The following LILRB1 variants were observed in gnomAD, a reference collection of about 807,000 sequenced individuals.
LILRB1 encodes the protein leukocyte immunoglobulin like receptor B1.
LILRB1 carries 59 observed loss-of-function variants against 74.6 expected under a neutral mutation model. That is an observed-to-expected ratio of 0.79 (90% confidence interval 0.64 to 0.98). The LOEUF is 0.98. Ranked by LOEUF, LILRB1 falls within the 50% of genes least tolerant of loss-of-function variation. The pLI is 0.00. For synonymous variants in LILRB1, 328 were observed against 333.9 expected (o/e 0.98, Z 0.19); for missense variants, 804 against 822.6 (o/e 0.98, Z 0.28).
Position 54,631,577 on chromosome 19 carries a change from CA to C in LILRB1, c.149del (p.Gln50ArgfsTer29). On this transcript the variant is annotated frameshift_variant, in exon 4 of 15. Coordinates refer to ENST00000324602, the MANE Select transcript of LILRB1 (RefSeq NM_001081637.3). LOFTEE classifies it high-confidence loss of function. ...TQGSPVTLRC[Q>X]GGQETQEYRL... ...GGGGAGTCCTGTGACCCTCAGGTGT[CA>C]GGGGGGCCAGGAGACCCAGGAGTAC... 1 of 1,614,232 alleles carries C rather than the reference CA, an allele frequency of 6.2e-7. No homozygotes were observed. Among genetic ancestry groups the C allele is most frequent in the Non-Finnish European group, 8.5e-7 (1 of 1,180,026 alleles).
intron 1 of LILRB1, among the ~76,000 whole-genome samples, chr19:54,621,544 T>G (rs1024260958): frequency 1.3e-5 from 2 of 151,716 alleles, no homozygotes; most frequent in African/African-American, 4.8e-5. Flanking sequence ...TGTTTTTTTT[T>G]TTTCATGTTG....
upstream of LILRB1, among the ~76,000 whole-genome samples, chr19:54,628,325 C>T (rs766194123): frequency 3.9e-5 from 6 of 152,148 alleles, no homozygotes; most frequent in Non-Finnish European, 7.3e-5. Context: ...TTATTTATCA[C>T]GGCTAGCAGA....
chr19:54,627,641 C>T (rs925438672), upstream of LILRB1, among the ~76,000 whole-genome samples: 2 of 152,226 alleles, frequency 1.3e-5, no homozygotes, highest in Admixed American at 6.5e-5. Context: ...CTGACAGCAA[C>T]TCTGGCTTTG....
chr19:54,622,811 C>T (rs1245355299), intron 1 of LILRB1, among the ~76,000 whole-genome samples: 4 of 152,104 alleles, frequency 2.6e-5, no homozygotes, highest in Non-Finnish European at 5.9e-5. Flanking sequence ...GTGCGTTTGT[C>T]TTATAAGGCT....
At chr19:54,635,527 A>G (rs779392316) in intron 12 of LILRB1, 30 bp from the exon 13 acceptor site, 7 of 1,600,842 alleles carry the variant, frequency 4.4e-6, no homozygotes, top group African/African-American at 2.7e-5. Context: ...AACCTTCCCA[A>G]GAGACAAACC....
At position 54,618,198 on chromosome 19, in the gene LILRB1, T is replaced by C. The variant is rs1238447065; in HGVS notation, c.-166+849T>C. 2.0e-5 allele frequency among the ~76,000 whole-genome samples: 3 copies of C among 151,812 alleles called. No homozygotes were observed. In the East Asian group the frequency reaches 5.8e-4, roughly 29 times the overall value. ...GGTTTTTTGAATCTATAAGATGTAC[T>C]TCTATCAGCATGCCTAATGCGTCCA... On this transcript the variant is annotated intron_variant, in intron 1 of 15. Transcript: ENST00000396331.
chr19:54,632,606 C>G lies in LILRB1; in HGVS notation c.804C>G (p.Leu268=), dbSNP rs766298899. 6.2e-7 allele frequency: 1 copy of G among 1,614,136 alleles called. No individual in the cohort carries two copies. Among genetic ancestry groups the G allele is most frequent in the East Asian group, 2.2e-5 (1 of 44,876 alleles). The change falls in exon 6 of 15, where the codon CTC becomes CTG. Residue 268 remains leucine (L), a synonymous_variant. Coordinates refer to ENST00000324602, the MANE Select transcript of LILRB1 (RefSeq NM_001081637.3). ...YKDGERDFLQ[L]AGAQPQAGLS... ...ACGGGGAACGTGACTTCCTTCAGCT[C>G]GCTGGCGCACAGCCCCAGGCTGGGC...
chr19:54,625,542 A>T (rs575649734), upstream of LILRB1, among the ~76,000 whole-genome samples: 7 of 152,264 alleles, frequency 4.6e-5, no homozygotes, highest in African/African-American at 1.7e-4. Context: ...AAGGGCCAAG[A>T]CAGGGGTGTG....
At position 54,632,594 on chromosome 19, in the gene LILRB1, C is replaced by A. The variant is rs368723007; in HGVS notation, c.792C>A (p.Asp264Glu). The change falls in exon 6 of 15, where the codon GAC becomes GAA. Residue 264 changes from aspartate (D) to glutamate (E), a missense_variant. Physicochemically the swap from Asp to Glu is conservative, Grantham distance 45. Coordinates refer to ENST00000324602, the MANE Select transcript of LILRB1 (RefSeq NM_001081637.3). The part of the protein sequence containing the change: ...RFVLYKDGER[D>E]FLQLAGAQPQ... ...TTCTGTATAAGGACGGGGAACGTGA[C>A]TTCCTTCAGCTCGCTGGCGCACAGC... The A allele has an allele frequency of 1.9e-6, 3 of 1,614,060 alleles. No individual in the cohort carries two copies. The African/African-American group carries it at 4.0e-5, about 22-fold the overall frequency.
rs1395512305 is a variant in LILRB1 at position 54,638,015 on chromosome 19, C to T, written c.*1137C>T. Among the ~76,000 whole-genome samples the T allele has an allele frequency of 1.3e-5, 2 of 151,986 alleles. No homozygotes were observed. Among genetic ancestry groups the T allele is most frequent in the East Asian group, 1.9e-4 (1 of 5,202 alleles). ...ACATTGACTATAATAAAAATAATCTCGAGTTCACGAAGCTTCATTGGTGAT... is the reference window on the plus strand; with the variant it reads ...ACATTGACTATAATAAAAATAATCTTGAGTTCACGAAGCTTCATTGGTGAT... On this transcript the variant is annotated 3_prime_UTR_variant, in exon 15 of 15. Coordinates refer to ENST00000324602, the MANE Select transcript of LILRB1 (RefSeq NM_001081637.3).
chr19:54,637,114 A>G lies in LILRB1; in HGVS notation c.*236A>G. The G allele has an allele frequency of 1.8e-6, 1 of 545,042 alleles. No homozygotes were observed. The highest frequency in any genetic ancestry group is 2.9e-5 in the East Asian group (1 of 34,644). 33.8% of individuals were successfully genotyped at this position (545,042 alleles called of 1,614,324 possible). A position where few individuals can be genotyped will look rare whatever the true frequency, so the allele number is the denominator to read the frequency against. ...CTGAGAAAACTAAGTCAGAAAGTGC[A>G]TTAAACTGAATCACAATGTAAATAT... On this transcript the variant is annotated 3_prime_UTR_variant, in exon 15 of 15. Coordinates refer to ENST00000324602, the MANE Select transcript of LILRB1 (RefSeq NM_001081637.3).
At position 54,637,045 on chromosome 19, in the gene LILRB1, A is replaced by G. The variant is rs527892426; in HGVS notation, c.*167A>G. 8 of 747,446 alleles carry G rather than the reference A, an allele frequency of 1.1e-5. No individual in the cohort carries two copies. The highest frequency in any genetic ancestry group is 8.2e-5 in the East Asian group (3 of 36,770). 46.3% of individuals were successfully genotyped at this position (747,446 alleles called of 1,614,324 possible). ...AGTATAAATAACTAATGTCTCTACA[A>G]TTTTGAAATAAAGCAACAGACTTCT... is the stretch of plus-strand genomic sequence containing the variant. On this transcript the variant is annotated 3_prime_UTR_variant, in exon 15 of 15. Coordinates refer to ENST00000324602, the MANE Select transcript of LILRB1 (RefSeq NM_001081637.3).
rs767442597 is a variant in LILRB1, at chr19:54,633,264, T to C, written c.1207T>C (p.Ser403Pro). 6.2e-7 allele frequency: 1 copy of C among 1,613,852 alleles called. No homozygotes were observed. The highest frequency in any genetic ancestry group is 8.5e-7 in the Non-Finnish European group (1 of 1,179,982). Reference protein sequence around the residue: ...GTYRCYGSQSSKPYLLTHPSD... With the variant: ...GTYRCYGSQSPKPYLLTHPSD... ...CTACAGGTGCTACGGCTCACAGAGC[T>C]CCAAACCCTACCTGCTGACTCACCC... Residue 403 changes from serine (S) to proline (P), a missense_variant, in exon 7 of 15, where the codon TCC becomes CCC. Physicochemically the swap from Ser to Pro is moderately conservative, Grantham distance 74. Transcript: ENST00000324602.
chr19:54,633,065 G>A lies in LILRB1; in HGVS notation c.1008G>A (p.Val336=), dbSNP rs751774148. The A allele has an allele frequency of 4.3e-6, 7 of 1,613,952 alleles. No individual in the cohort carries two copies. Among genetic ancestry groups the A allele is most frequent in the African/African-American group, 1.3e-5 (1 of 74,938 alleles). ...VSLSVQPGPT[V]ASGENVTLLC... ...TCTCGGTGCAGCCGGGCCCCACGGT[G>A]GCCTCAGGAGAGAACGTGACCCTGC... Residue 336 remains valine, a synonymous_variant, in exon 7 of 15, where the codon GTG becomes GTA. Transcript: ENST00000324602.
chr19:54,636,399 G>T, intron 13 of LILRB1, 95 bp from the exon 14 acceptor site: 1 of 1,558,958 alleles, frequency 6.4e-7, no homozygotes, highest in Non-Finnish European at 8.7e-7. Context: ...CATCGGGAAA[G>T]GGATGTAATC....
chr19:54,625,425 G>A (rs2063554488), upstream of LILRB1, among the ~76,000 whole-genome samples: 1 of 152,112 alleles, frequency 6.6e-6, no homozygotes. Flanking sequence ...TCAGAAGCCT[G>A]TGGGATTCCA....
chr19:54,635,196 A>G lies in LILRB1; in HGVS notation c.1562+17A>G, dbSNP rs1239708736. The stretch of plus-strand genomic sequence containing the variant: ...GCAGTGGAGGTAATTCTGCCCGAAG[A>G]CCCCAGACTCCCACCTGCTCGTGGC... On this transcript the variant is annotated intron_variant, in intron 11 of 14. Transcript: ENST00000324602. The G allele has an allele frequency of 6.2e-7, 1 of 1,600,204 alleles. No individual in the cohort carries two copies. Among genetic ancestry groups the G allele is most frequent in the Non-Finnish European group, 8.5e-7 (1 of 1,169,832 alleles).
At chr19:54,625,901 C>T (rs1391180253), upstream of LILRB1, among the ~76,000 whole-genome samples, 1 of 151,446 alleles carries the variant, frequency 6.6e-6, no homozygotes, top group Non-Finnish European at 1.5e-5. Context: ...TCACTCACCC[C>T]TTCCCCGTGT....
rs575863090 is a variant in LILRB1, at chr19:54,636,356, AC to A, written c.1654-135del. 4.1e-6 allele frequency: 6 copies of A among 1,476,724 alleles called. No homozygotes were observed. In the Admixed American group the frequency reaches 1.4e-4, roughly 35 times the overall value. 91.5% of individuals were successfully genotyped at this position (1,476,724 alleles called of 1,614,324 possible). On this transcript the variant is annotated intron_variant, in intron 13 of 14. Transcript: ENST00000324602. ...AGAACCACAGCGAGGGAGCGGCCAGACCCTCCACGGCCTTAGGGCGTCCCTG... is the reference window on the plus strand; with the variant it reads ...AGAACCACAGCGAGGGAGCGGCCAGACCTCCACGGCCTTAGGGCGTCCCTG...
Sources: gnomAD v4.1 joint callset for allele counts (sites outside exome capture counted in the v4.1 genomes callset) on GRCh38, gnomAD v4.1.1 for gene constraint, MANE v1.5 for transcripts, NCBI Gene and HGNC (gene_info 2026-07-23, HGNC 2026-07-21) for gene names.